The following KIF26B variants were observed in gnomAD, a reference collection of about 807,000 sequenced individuals.
KIF26B encodes the protein kinesin-like protein KIF26B.
A neutral mutation model predicts 151.2 loss-of-function variants in KIF26B; 63 were observed. That is an observed-to-expected ratio of 0.42 (90% CI 0.34 to 0.51). The LOEUF (loss-of-function observed/expected upper bound fraction) is 0.51, where lower values mean the gene tolerates loss of function less well. Among genes scored for constraint, KIF26B ranks in the 20% least tolerant of loss-of-function variants. The pLI, the probability that KIF26B is intolerant of heterozygous loss-of-function variation, is 0.07. For synonymous variants in KIF26B, 1,357 were observed against 1,262.1 expected (o/e 1.08, Z -1.59); for missense variants, 2,813 against 2,913.6 (o/e 0.97, Z 0.79).
chr1:245,322,562 C>A (rs961610849), intron 2 of KIF26B, among the ~76,000 whole-genome samples: 1 of 152,074 alleles, frequency 6.6e-6, no homozygotes, highest in African/African-American at 2.4e-5. Context: ...AGACAGTACT[C>A]TAAAGTCAGC....
intron 2 of KIF26B, among the ~76,000 whole-genome samples, chr1:245,160,929 T>C (rs1668520796): frequency 6.6e-6 from 1 of 151,958 alleles, no homozygotes; most frequent in South Asian, 2.1e-4. Context: ...AAAAGAGGGG[T>C]ATGGAAAAAT....
At chr1:245,575,189 G>C (rs537617871) in intron 5 of KIF26B, among the ~76,000 whole-genome samples, 2 of 151,208 alleles carry the variant, frequency 1.3e-5, no homozygotes, top group Non-Finnish European at 2.9e-5. Flanking sequence ...CAAAGAAAAA[G>C]GTAGGCTGGG....
rs553883924 is a variant in KIF26B at position 245,334,184 on chromosome 1, T to C, written c.466-32650T>C. The stretch of plus-strand genomic sequence containing the variant: ...CTCTCTTTTTATTTTTCAGAGGAAG[T>C]GGTGGTAATTCCTTTTAGTGTCTTG... On this transcript the variant is annotated intron_variant, in intron 2 of 14. Coordinates refer to ENST00000407071, the MANE Select transcript of KIF26B (RefSeq NM_018012.4). 2.4e-4 allele frequency among the ~76,000 whole-genome samples: 36 copies of C among 152,272 alleles called. No homozygotes were observed. In the South Asian group the frequency reaches 2.9e-3, roughly 12 times the overall value.
chr1:245,515,827 G>A (rs1226808311), intron 4 of KIF26B, among the ~76,000 whole-genome samples: 1 of 152,146 alleles, frequency 6.6e-6, no homozygotes, highest in Non-Finnish European at 1.5e-5. Context: ...GGGAGGGCTC[G>A]CTCTGTAACT....
intron 5 of KIF26B, among the ~76,000 whole-genome samples, chr1:245,574,081 A>G (rs74626326): frequency 0.011 from 1,668 of 152,306 alleles, 32 homozygotes; most frequent in African/African-American, 0.039. Flanking sequence ...AAGATCTGAG[A>G]ATGAGGACTG....
intron 4 of KIF26B, among the ~76,000 whole-genome samples, chr1:245,503,203 C>G (rs1371359095): frequency 6.6e-6 from 1 of 152,000 alleles, no homozygotes; most frequent in Non-Finnish European, 1.5e-5. Context: ...CCTGATTTGT[C>G]TTTTAAAAGT....
chr1:245,570,252 G>C (rs371639721), intron 5 of KIF26B, among the ~76,000 whole-genome samples: 1 of 151,960 alleles, frequency 6.6e-6, no homozygotes, highest in African/African-American at 2.4e-5. Context: ...AAATATTTTT[G>C]ATTTCCACTT....
chr1:245,188,938 G>A (rs1302980923), intron 2 of KIF26B, among the ~76,000 whole-genome samples: 1 of 152,224 alleles, frequency 6.6e-6, no homozygotes, highest in African/African-American at 2.4e-5. Flanking sequence ...GATGCCAAGT[G>A]AAATAAGCCA....
At chr1:245,248,767 G>C (rs1252810603) in intron 2 of KIF26B, among the ~76,000 whole-genome samples, 1 of 152,122 alleles carries the variant, frequency 6.6e-6, no homozygotes, top group African/African-American at 2.4e-5. Context: ...TGAGATGTTT[G>C]CCAATATCTC....
At chr1:245,468,527 C>T (rs1659842694) in intron 4 of KIF26B, among the ~76,000 whole-genome samples, 1 of 152,136 alleles carries the variant, frequency 6.6e-6, no homozygotes, top group South Asian at 2.1e-4. Flanking sequence ...TGCACAATGT[C>T]CCAGGAGTCA....
chr1:245,188,653 G>A (rs905766771), intron 2 of KIF26B, among the ~76,000 whole-genome samples: 2 of 152,140 alleles, frequency 1.3e-5, no homozygotes, highest in Admixed American at 1.3e-4. Flanking sequence ...AAAATGATAC[G>A]ACAGTTTTTC....
chr1:245,690,790 T>C (rs1224667338), intron 12 of KIF26B, among the ~76,000 whole-genome samples: 1 of 152,028 alleles, frequency 6.6e-6, no homozygotes, highest in African/African-American at 2.4e-5. Flanking sequence ...CTGCTTTACT[T>C]CACCCCTCAA....
In KIF26B at chr1:245,275,543, A is replaced by G. The variant is rs1670922510; in HGVS notation, c.466-91291A>G. 2.0e-5 allele frequency among the ~76,000 whole-genome samples: 3 copies of G among 152,316 alleles called. No individual in the cohort carries two copies. The South Asian group carries it at 6.2e-4, about 32-fold the overall frequency. ...AAGGGGTCCAGTTTCAATTTTCTGC[A>G]TCTGGCTAGCCAGTTTTCCCAACAC... On this transcript the variant is annotated intron_variant, in intron 2 of 14. Coordinates refer to ENST00000407071, the MANE Select transcript of KIF26B (RefSeq NM_018012.4).
chr1:245,411,223 C>G (rs1475495473), intron 3 of KIF26B, among the ~76,000 whole-genome samples: 2 of 152,204 alleles, frequency 1.3e-5, no homozygotes, highest in Non-Finnish European at 2.9e-5. Context: ...CAGGGAAAGG[C>G]ATCACCGCGG....
At chr1:245,327,917 C>T (rs958390807) in intron 2 of KIF26B, among the ~76,000 whole-genome samples, 3 of 152,102 alleles carry the variant, frequency 2.0e-5, no homozygotes, top group Admixed American at 2.0e-4. Context: ...TTCCAGAAAA[C>T]AAGAATGGTT....
chr1:245,553,267 A>G (rs1279970416), intron 5 of KIF26B, among the ~76,000 whole-genome samples: 3 of 152,180 alleles, frequency 2.0e-5, no homozygotes, highest in Non-Finnish European at 4.4e-5. Context: ...GAGCTGGCCT[A>G]TGAACGCCAA....
At chr1:245,364,081 C>T (rs1194517614) in intron 2 of KIF26B, among the ~76,000 whole-genome samples, 1 of 152,184 alleles carries the variant, frequency 6.6e-6, no homozygotes, top group African/African-American at 2.4e-5. Flanking sequence ...CAAGAAGGCC[C>T]TCTGGACTGT....
chr1:245,328,157 G>A (rs1002852535), intron 2 of KIF26B, among the ~76,000 whole-genome samples: 1 of 151,408 alleles, frequency 6.6e-6, no homozygotes, highest in Non-Finnish European at 1.5e-5. Flanking sequence ...TGAGGAGAGG[G>A]CGGGAGAGAG....
intron 9 of KIF26B, among the ~76,000 whole-genome samples, chr1:245,623,554 A>AT (rs1377424629): frequency 6.6e-6 from 1 of 152,222 alleles, no homozygotes; most frequent in Non-Finnish European, 1.5e-5. Context: ...AAGGTTGAGC[A>AT]TCCCTAATCT....
Sources: allele counts gnomAD v4.1 joint callset (sites outside exome capture counted in the v4.1 genomes callset), GRCh38; gene constraint gnomAD v4.1.1; transcripts MANE v1.5; gene names NCBI Gene and HGNC (gene_info 2026-07-23, HGNC 2026-07-21).